Variants in CADPS2 observed in about 807,000 individuals in gnomAD.
The protein encoded by CADPS2 is calcium dependent secretion activator 2.
In CADPS2, 93 loss-of-function variants were observed where a neutral mutation model predicts 172.5. The observed-to-expected ratio is 0.54, with a 90% CI of 0.46 to 0.64. CADPS2 has a LOEUF of 0.64. Ranked by LOEUF, CADPS2 falls within the 30% of genes least tolerant of loss-of-function variation. CADPS2 has a pLI of 0.00. For synonymous variants in CADPS2, 546 were observed against 555.2 expected, an observed-to-expected ratio of 0.98 and a Z score of 0.23; for missense variants, 1,420 against 1,565.9, an observed-to-expected ratio of 0.91 and a Z score of 1.57.
intron 6 of CADPS2, among the ~76,000 whole-genome samples, chr7:122,603,537 G>A (rs1011580576): frequency 2.6e-5 from 4 of 151,322 alleles, no homozygotes; most frequent in African/African-American, 4.9e-5. Context: ...AGAATATAAC[G>A]ATTGGGTGTT....
chr7:122,459,050 A>G (rs996544073), intron 14 of CADPS2, among the ~76,000 whole-genome samples: 3 of 152,054 alleles, frequency 2.0e-5, no homozygotes, highest in Non-Finnish European at 4.4e-5. Flanking sequence ...AAAATTTCCT[A>G]TAAATATGCC....
At chr7:122,609,595 C>T (rs1316998971) in intron 6 of CADPS2, among the ~76,000 whole-genome samples, 2 of 152,178 alleles carry the variant, frequency 1.3e-5, no homozygotes, top group African/African-American at 4.8e-5. Context: ...CTCACCGTTA[C>T]TCTTTGTAAA....
intron 27 of CADPS2, among the ~76,000 whole-genome samples, chr7:122,351,442 CT>C (rs377471393): frequency 3.0e-4 from 37 of 124,072 alleles, no homozygotes; most frequent in East Asian, 1.2e-3. Context: ...AGCCAGTTAA[CT>C]TTTTTTTTTG....
At chr7:122,522,894 C>T (rs189202646) in intron 8 of CADPS2, among the ~76,000 whole-genome samples, 11 of 152,218 alleles carry the variant, frequency 7.2e-5, no homozygotes, top group East Asian at 5.8e-4. Context: ...TGGCTGCAAA[C>T]GACAGGATTT....
chr7:122,323,432 TC>T (rs2033028543), intron 29 of CADPS2, among the ~76,000 whole-genome samples: 1 of 152,166 alleles, frequency 6.6e-6, no homozygotes, highest in Non-Finnish European at 1.5e-5. Context: ...AAATTATTGT[TC>T]TTTTATGCTA....
At chr7:122,344,461 C>T (rs2037261611) in intron 28 of CADPS2, among the ~76,000 whole-genome samples, 1 of 152,112 alleles carries the variant, frequency 6.6e-6, no homozygotes, top group African/African-American at 2.4e-5. Context: ...ATAAATGAAA[C>T]ATGACGATCA....
At chr7:122,849,135 T>C (rs1280112155) in intron 1 of CADPS2, among the ~76,000 whole-genome samples, 2 of 152,206 alleles carry the variant, frequency 1.3e-5, no homozygotes, top group Non-Finnish European at 2.9e-5. Flanking sequence ...GAAATTTGCA[T>C]TTATATCAAA....
intron 20 of CADPS2, among the ~76,000 whole-genome samples, chr7:122,407,157 C>G (rs2046750069): frequency 6.6e-6 from 1 of 152,210 alleles, no homozygotes; most frequent in Non-Finnish European, 1.5e-5. Flanking sequence ...GGAGCCTTAA[C>G]ATAACATGAT....
intron 1 of CADPS2, among the ~76,000 whole-genome samples, chr7:122,830,054 T>C (rs1442698921): frequency 6.6e-6 from 1 of 151,130 alleles, no homozygotes; most frequent in Non-Finnish European, 1.5e-5. Flanking sequence ...GGGACCATTA[T>C]CACTGTTTCA....
At chr7:122,721,975 T>C (rs1270979620) in intron 2 of CADPS2, among the ~76,000 whole-genome samples, 6 of 152,070 alleles carry the variant, frequency 3.9e-5, no homozygotes, top group Admixed American at 1.3e-4. Flanking sequence ...GAAAAGGCCG[T>C]TAACAAAATT....
intron 1 of CADPS2, among the ~76,000 whole-genome samples, chr7:122,771,813 G>A (rs141589516): frequency 6.6e-6 from 1 of 152,118 alleles, no homozygotes; most frequent in Admixed American, 6.5e-5. Flanking sequence ...AGAAACTGTG[G>A]GTACCTGACA....
At chr7:122,745,441 T>C (rs2092682183) in intron 1 of CADPS2, among the ~76,000 whole-genome samples, 1 of 151,912 alleles carries the variant, frequency 6.6e-6, no homozygotes, top group African/African-American at 2.4e-5. Context: ...TTCTTTCCGA[T>C]TACCATATTA....
At chr7:122,716,688 T>G (rs920113595) in intron 2 of CADPS2, among the ~76,000 whole-genome samples, 1 of 152,012 alleles carries the variant, frequency 6.6e-6, no homozygotes, top group Admixed American at 6.6e-5. Flanking sequence ...CAATTAAAAA[T>G]AAATAAATAA....
At chr7:122,574,106 T>C (rs909002216) in intron 7 of CADPS2, among the ~76,000 whole-genome samples, 9 of 151,966 alleles carry the variant, frequency 5.9e-5, no homozygotes, top group East Asian at 3.9e-4. Flanking sequence ...TGAGTAAATA[T>C]ATTGATGTCG....
At chr7:122,844,671 T>C (rs951342403) in intron 1 of CADPS2, among the ~76,000 whole-genome samples, 4 of 152,226 alleles carry the variant, frequency 2.6e-5, no homozygotes, top group African/African-American at 7.2e-5. Flanking sequence ...CTAAGTTACA[T>C]AGTTTATGCT....
chr7:122,328,148 C>T (rs2034254097), intron 28 of CADPS2, among the ~76,000 whole-genome samples: 1 of 147,060 alleles, frequency 6.8e-6, no homozygotes, highest in Non-Finnish European at 1.5e-5. Flanking sequence ...CACACACACA[C>T]ACACACACAC....
At chr7:122,387,286 G>C in intron 23 of CADPS2, 113 bp from the exon 24 acceptor site, 1 of 1,077,586 alleles carries the variant, frequency 9.3e-7, no homozygotes, top group East Asian at 2.6e-5. Context: ...CAAATAAGGA[G>C]TAAGCAGTGT....
At chr7:122,756,181 C>T (rs1478721567) in intron 1 of CADPS2, among the ~76,000 whole-genome samples, 1 of 152,144 alleles carries the variant, frequency 6.6e-6, no homozygotes, top group African/African-American at 2.4e-5. Context: ...ACTTAACTGG[C>T]AGTGGAACAC....
chr7:122,811,481 A>G (rs550873444), intron 1 of CADPS2, among the ~76,000 whole-genome samples: 1 of 152,314 alleles, frequency 6.6e-6, no homozygotes, highest in African/African-American at 2.4e-5. Context: ...GACTTTCAAA[A>G]TAATTTTTCA....
Sources: allele counts gnomAD v4.1 joint callset (sites outside exome capture counted in the v4.1 genomes callset), GRCh38; gene constraint gnomAD v4.1.1; transcripts MANE v1.5; gene names NCBI Gene and HGNC (gene_info 2026-07-23, HGNC 2026-07-21).